Variants in TRPM3 observed in about 807,000 individuals in gnomAD.
TRPM3 encodes transient receptor potential cation channel subfamily M member 3.
TRPM3 carries 77 observed loss-of-function variants against 181.2 expected under a neutral mutation model. The observed-to-expected ratio is 0.42, with a 90% CI of 0.35 to 0.51. TRPM3 has a LOEUF of 0.51. Among genes scored for constraint, TRPM3 ranks in the 20% least tolerant of loss-of-function variants. The pLI, the probability that TRPM3 is intolerant of heterozygous loss-of-function variation, is 0.01. For synonymous variants in TRPM3, 745 were observed against 796.4 expected (o/e 0.94, Z 1.09); for missense variants, 1,759 against 2,196.7 (o/e 0.80, Z 3.98).
rs78242598 is a variant in TRPM3 at position 71,063,414 on chromosome 9, G to A, written c.177+57764C>T. Reference sequence around the variant, plus strand: ...ACATGGTCCTTGATGTTTAGAAACTGTCAGGCCTGGATGTGTAATCGCATG... The same window carrying A: ...ACATGGTCCTTGATGTTTAGAAACTATCAGGCCTGGATGTGTAATCGCATG... On this transcript the variant is annotated intron_variant, in intron 1 of 25. Transcript: ENST00000677713. Among the ~76,000 whole-genome samples the A allele has an allele frequency of 4.9e-3, 749 of 152,244 alleles. 18 individuals are homozygous for A. The East Asian group carries it at 0.078, about 16-fold the overall frequency.
At chr9:70,971,565 A>G (rs553171081) in intron 1 of TRPM3, among the ~76,000 whole-genome samples, 2 of 152,164 alleles carry the variant, frequency 1.3e-5, no homozygotes, top group Non-Finnish European at 2.9e-5. Flanking sequence ...TCTTGTGAAG[A>G]AGAAAGTGAG....
chr9:71,009,520 C>A (rs1039913597), intron 1 of TRPM3, among the ~76,000 whole-genome samples: 1 of 151,990 alleles, frequency 6.6e-6, no homozygotes, highest in Non-Finnish European at 1.5e-5. Flanking sequence ...TATGAATAAA[C>A]AACCAAGGAG....
chr9:71,311,684 A>T (rs540160845), intron 1 of TRPM3, among the ~76,000 whole-genome samples: 32 of 152,260 alleles, frequency 2.1e-4, no homozygotes, highest in African/African-American at 7.7e-4. Context: ...AAAGAAAAAA[A>T]AATCTAGATC....
intron 1 of TRPM3, among the ~76,000 whole-genome samples, chr9:70,894,899 TAA>T (rs1479789147): frequency 6.6e-6 from 1 of 152,144 alleles, no homozygotes; most frequent in Non-Finnish European, 1.5e-5. Flanking sequence ...GCCCTACTGC[TAA>T]GATTGTGAAT....
At chr9:71,202,179 T>C (rs2078843447) in intron 1 of TRPM3, among the ~76,000 whole-genome samples, 1 of 152,202 alleles carries the variant, frequency 6.6e-6, no homozygotes, top group Non-Finnish European at 1.5e-5. Context: ...TGTCTGATCA[T>C]TCCTCTGGAA....
At chr9:71,008,337 AAAG>A (rs1417594383) in intron 1 of TRPM3, among the ~76,000 whole-genome samples, 1 of 152,058 alleles carries the variant, frequency 6.6e-6, no homozygotes, top group Non-Finnish European at 1.5e-5. Flanking sequence ...CCAAACATTT[AAAG>A]AAGAACTATA....
intron 1 of TRPM3, among the ~76,000 whole-genome samples, chr9:70,975,848 T>A (rs2097296778): frequency 6.6e-6 from 1 of 152,176 alleles, no homozygotes; most frequent in Non-Finnish European, 1.5e-5. Context: ...GCACATTACC[T>A]AACTCCTCAA....
intron 1 of TRPM3, among the ~76,000 whole-genome samples, chr9:70,993,338 T>C (rs1275333647): frequency 1.3e-5 from 2 of 152,198 alleles, no homozygotes; most frequent in Admixed American, 1.3e-4. Flanking sequence ...AGGGTCATGG[T>C]AGTAGCCGTG....
chr9:71,038,977 G>T (rs1309307472), intron 1 of TRPM3, among the ~76,000 whole-genome samples: 1 of 152,116 alleles, frequency 6.6e-6, no homozygotes, highest in Non-Finnish European at 1.5e-5. Flanking sequence ...TGTCCTCAGT[G>T]CATTAATAAA....
intron 1 of TRPM3, among the ~76,000 whole-genome samples, chr9:71,032,205 T>G (rs1392438752): frequency 9.6e-6 from 1 of 104,358 alleles, no homozygotes; most frequent in Non-Finnish European, 2.0e-5. Context: ...TAATATATAA[T>G]ATATAGCAAG....
At chr9:71,389,955 C>T (rs1244076741) in intron 1 of TRPM3, among the ~76,000 whole-genome samples, 1 of 151,954 alleles carries the variant, frequency 6.6e-6, no homozygotes, top group East Asian at 1.9e-4. Context: ...ACCCCAATAA[C>T]TTATGGAAAA....
chr9:71,435,331 A>G (rs550834194), intron 1 of TRPM3, among the ~76,000 whole-genome samples: 1 of 152,230 alleles, frequency 6.6e-6, no homozygotes, highest in Non-Finnish European at 1.5e-5. Context: ...TGTAGCAAGA[A>G]AGTCTCTCAG....
chr9:71,117,665 C>G (rs1477097182), intron 1 of TRPM3, among the ~76,000 whole-genome samples: 1 of 152,138 alleles, frequency 6.6e-6, no homozygotes, highest in Admixed American at 6.6e-5. Flanking sequence ...AGTGTCCAGG[C>G]TGACTTTTCC....
intron 25 of TRPM3, among the ~76,000 whole-genome samples, chr9:70,541,189 G>C (rs1324930348): frequency 6.6e-6 from 1 of 152,204 alleles, no homozygotes; most frequent in Non-Finnish European, 1.5e-5. Context: ...CAAGAGTGAA[G>C]AAGGATGGCT....
intron 1 of TRPM3, among the ~76,000 whole-genome samples, chr9:71,326,764 A>C (rs2089714172): frequency 6.6e-6 from 1 of 152,162 alleles, no homozygotes; most frequent in Non-Finnish European, 1.5e-5. Flanking sequence ...TAGGCTCAGA[A>C]ATACCTCCTT....
At chr9:71,117,855 C>A (rs1163819020) in intron 1 of TRPM3, among the ~76,000 whole-genome samples, 1 of 152,120 alleles carries the variant, frequency 6.6e-6, no homozygotes, top group Non-Finnish European at 1.5e-5. Flanking sequence ...TCTCCCAATG[C>A]AACCCATTTT....
chr9:70,785,093 T>A (rs563790830), intron 6 of TRPM3, among the ~76,000 whole-genome samples: 1 of 152,342 alleles, frequency 6.6e-6, no homozygotes, highest in African/African-American at 2.4e-5. Flanking sequence ...AGATATGGTA[T>A]CTGCCATCTG....
intron 21 of TRPM3, among the ~76,000 whole-genome samples, chr9:70,594,531 G>A (rs2058672339): frequency 6.6e-6 from 1 of 152,122 alleles, no homozygotes; most frequent in African/African-American, 2.4e-5. Context: ...CTTAGTACTA[G>A]GCTTAGAGAA....
chr9:71,136,212 C>T (rs1202477224), intron 1 of TRPM3, among the ~76,000 whole-genome samples: 1 of 152,216 alleles, frequency 6.6e-6, no homozygotes, highest in Non-Finnish European at 1.5e-5. Context: ...ACTGGGTATT[C>T]AACCTCTTAG....
Sources: gnomAD v4.1 joint callset for allele counts (sites outside exome capture counted in the v4.1 genomes callset) on GRCh38, gnomAD v4.1.1 for gene constraint, MANE v1.5 for transcripts, NCBI Gene and HGNC (gene_info 2026-07-23, HGNC 2026-07-21) for gene names.